The following TMEM214 variants were observed in gnomAD, a reference collection of about 807,000 sequenced individuals.
TMEM214 encodes transmembrane protein 214.
A neutral mutation model predicts 89.8 loss-of-function variants in TMEM214; 71 were observed. The observed-to-expected ratio is 0.79, with a 90% CI of 0.65 to 0.96. TMEM214 has a LOEUF of 0.96. Ranked by LOEUF, TMEM214 falls within the 40% of genes least tolerant of loss-of-function variation. The pLI, the probability that TMEM214 is intolerant of heterozygous loss-of-function variation, is 0.00. For synonymous variants in TMEM214, 332 were observed against 349.5 expected (o/e 0.95, Z 0.56); for missense variants, 754 against 843.4 (o/e 0.89, Z 1.31).
Position 27,040,980 on chromosome 2 carries a change from A to T in TMEM214, c.*143A>T. The T allele has an allele frequency of 1.0e-6, 1 of 995,844 alleles. No homozygotes were observed. Among genetic ancestry groups the T allele is most frequent in the Non-Finnish European group, 1.5e-6 (1 of 683,056 alleles). The allele number at this position is 995,844 out of a possible 1,614,324, so 61.7% of individuals were successfully genotyped here. A position where few individuals can be genotyped will look rare whatever the true frequency, so the allele number is the denominator to read the frequency against. ...GCAAGTGGCCAGTTGCCTCCACCTC[A>T]GTTCTTCCATCTTTGGTGGGGACAG... On this transcript the variant is annotated 3_prime_UTR_variant, in exon 17 of 17. Transcript: ENST00000238788.
chr2:27,039,184 C>A lies in TMEM214; in HGVS notation c.1525+20C>A. On this transcript the variant is annotated intron_variant, in intron 13 of 16. Coordinates refer to ENST00000238788, the MANE Select transcript of TMEM214 (RefSeq NM_017727.5). ...TCCAGGGTAAGCAGCAATGGGCAAG[C>A]GAGGAGGATGGTGTGGGCGGGGCAC... The A allele has an allele frequency of 1.2e-6, 2 of 1,604,862 alleles. No individual in the cohort carries two copies. The highest frequency in any genetic ancestry group is 1.7e-6 in the Non-Finnish European group (2 of 1,173,018).
chr2:27,036,766 A>C lies in TMEM214; in HGVS notation c.888A>C (p.Thr296=). 6.2e-7 allele frequency: 1 copy of C among 1,614,108 alleles called. No homozygotes were observed. Among genetic ancestry groups the C allele is most frequent in the Non-Finnish European group, 8.5e-7 (1 of 1,180,030 alleles). ...GIKSLSPFAI[T]YLDRLLLMHP... Reference sequence around the variant, plus strand: ...AGTCTCTGTCTCCCTTTGCCATCACATACCTGGATCGGCTGCTCCTGTGAG... The same window carrying C: ...AGTCTCTGTCTCCCTTTGCCATCACCTACCTGGATCGGCTGCTCCTGTGAG... Residue 296 remains threonine (T), a synonymous_variant, in exon 7 of 17, where the codon ACA becomes ACC. Coordinates refer to ENST00000238788, the MANE Select transcript of TMEM214 (RefSeq NM_017727.5).
Position 27,039,295 on chromosome 2 carries a change from T to C in TMEM214, c.1525+131T>C, listed in dbSNP as rs557434677. ...TCTCAATCCTGCAGAGTAAACACTT[T>C]ACAGACAGATTTTTTTGTCCACAGA... On this transcript the variant is annotated intron_variant, in intron 13 of 16. Transcript: ENST00000238788. 448 of 742,190 alleles carry C rather than the reference T, an allele frequency of 6.0e-4. 1 individual carries two copies. The highest frequency in any genetic ancestry group is 5.4e-3 in the Middle Eastern group (21 of 3,860). The allele number at this position is 742,190 out of a possible 1,614,324, so 46.0% of individuals were successfully genotyped here.
Position 27,035,278 on chromosome 2 carries a change from T to G in TMEM214, c.495T>G (p.His165Gln). The G allele has an allele frequency of 6.2e-7, 1 of 1,614,236 alleles. No individual in the cohort carries two copies. The highest frequency in any genetic ancestry group is 8.5e-7 in the Non-Finnish European group (1 of 1,180,028). Reference sequence around the variant, plus strand: ...TAAGTGAACCCACGCTGAGCCAGCATACTCATGGTAAGTCCTTCCAGCTTC... The same window carrying G: ...TAAGTGAACCCACGCTGAGCCAGCAGACTCATGGTAAGTCCTTCCAGCTTC... ...APLSEPTLSQ[H>Q]THDYPYSLVS... The change falls in exon 3 of 17, where the codon CAT becomes CAG. Residue 165 changes from histidine (H) to glutamine (Q), a missense_variant. Coordinates refer to ENST00000238788, the MANE Select transcript of TMEM214 (RefSeq NM_017727.5).
Position 27,038,895 on chromosome 2 carries a change from A to G in TMEM214, c.1407+80A>G. 1.4e-6 allele frequency: 2 copies of G among 1,450,148 alleles called. No individual in the cohort carries two copies. Among genetic ancestry groups the G allele is most frequent in the Non-Finnish European group, 1.9e-6 (2 of 1,037,698 alleles). 89.8% of individuals were successfully genotyped at this position (1,450,148 alleles called of 1,614,324 possible). ...CACACCTGGGTTGGGCCTGTATCAC[A>G]TTCCTGCCCCACCTGTCTGGAGCCC... is the stretch of plus-strand genomic sequence containing the variant. On this transcript the variant is annotated intron_variant, in intron 12 of 16. Coordinates refer to ENST00000238788, the MANE Select transcript of TMEM214 (RefSeq NM_017727.5). This position sits in a 1 kb window ranked among gnomAD's most constrained non-coding sequence, Gnocchi z 4.4.
At chr2:27,035,315 A>G (rs1002062292) in intron 3 of TMEM214, 30 bp downstream of exon 3, 2 of 1,613,696 alleles carry the variant, frequency 1.2e-6, no homozygotes, top group Admixed American at 1.7e-5. Context: ...TCAAGCTCAG[A>G]CAAGTTCAAA....
chr2:27,034,746 GCT>G, intron 2 of TMEM214: 1 of 215,734 alleles, frequency 4.6e-6, no homozygotes, highest in South Asian at 7.5e-5. Context: ...ACCACGCCTG[GCT>G]AATTTTTGTA....
chr2:27,036,905 C>T (rs775819119), intron 7 of TMEM214, 119 bp downstream of exon 7: 13 of 1,175,516 alleles, frequency 1.1e-5, no homozygotes, highest in Admixed American at 1.7e-5. Context: ...ACCAGCTTCT[C>T]CCACCACCTT....
intron 1 of TMEM214, among the ~76,000 whole-genome samples, 197 bp from the exon 2 acceptor site, chr2:27,033,870 G>A (rs1667437804): frequency 6.6e-6 from 1 of 152,060 alleles, no homozygotes. Flanking sequence ...AGAGCCCATA[G>A]ACTCAAGAGC....
intron 4 of TMEM214, 60 bp downstream of exon 4, chr2:27,035,788 C>G: frequency 6.2e-7 from 1 of 1,609,614 alleles, no homozygotes; most frequent in Non-Finnish European, 8.5e-7. Context: ...TTCCTGCTTC[C>G]AGTACCACTC....
At chr2:27,036,443 T>C in intron 5 of TMEM214, 44 bp from the exon 6 acceptor site, 1 of 1,494,340 alleles carries the variant, frequency 6.7e-7, no homozygotes, top group Admixed American at 1.7e-5. Context: ...GTGCTCCTGG[T>C]GTTTTGTCCT....
intron 4 of TMEM214, 104 bp downstream of exon 4, chr2:27,035,832 C>T: frequency 6.3e-7 from 1 of 1,590,138 alleles, no homozygotes; most frequent in Admixed American, 1.7e-5. Flanking sequence ...AATGTGCTAA[C>T]CTTAACACTT....
At chr2:27,039,381 A>G in intron 13 of TMEM214, 2 of 594,160 alleles carry the variant, frequency 3.4e-6, no homozygotes. Flanking sequence ...TTGCATATTC[A>G]TAGTATCATT....
At position 27,033,149 on chromosome 2, in the gene TMEM214, G is replaced by A; in HGVS notation, c.134G>A (p.Trp45Ter). The stretch of plus-strand genomic sequence containing the variant: ...GCGCTCGGGGAAGCAAACGGAGTGT[G>A]GAAATACGACCTGACCCGTGAGTAC... ...RRALGEANGV[W>*]KYDLTPAIQT... The change falls in exon 1 of 17, where the codon TGG becomes TAG. Residue 45 changes from tryptophan (W) to a stop codon, truncating the protein, a stop_gained. Coordinates refer to ENST00000238788, the MANE Select transcript of TMEM214 (RefSeq NM_017727.5). LOFTEE classifies it high-confidence loss of function. The A allele has an allele frequency of 3.2e-6, 4 of 1,248,432 alleles. No individual in the cohort carries two copies. Among genetic ancestry groups the A allele is most frequent in the Non-Finnish European group, 4.0e-6 (4 of 987,714 alleles). 77.3% of individuals were successfully genotyped at this position (1,248,432 alleles called of 1,614,324 possible).
chr2:27,040,755 C>T lies in TMEM214; in HGVS notation c.1988C>T (p.Ala663Val), dbSNP rs1046596801. The part of the protein sequence containing the change: ...WDCMKTQLSE[A>V]VHWTWLCLQD... Reference sequence around the variant, plus strand: ...TGCATGAAGACACAGCTCAGTGAGGCTGTCCACTGGACCTGGCTTTGCCTA... The same window carrying T: ...TGCATGAAGACACAGCTCAGTGAGGTTGTCCACTGGACCTGGCTTTGCCTA... The change falls in exon 17 of 17, where the codon GCT becomes GTT. Residue 663 changes from alanine (A) to valine (V), a missense_variant. Coordinates refer to ENST00000238788, the MANE Select transcript of TMEM214 (RefSeq NM_017727.5). 2 of 1,614,082 alleles carry T rather than the reference C, an allele frequency of 1.2e-6. No individual in the cohort carries two copies. The highest frequency in any genetic ancestry group is 1.7e-6 in the Non-Finnish European group (2 of 1,180,042).
chr2:27,039,712 C>G, intron 13 of TMEM214, 29 bp from the exon 14 acceptor site: 1 of 1,601,020 alleles, frequency 6.2e-7, no homozygotes, highest in Non-Finnish European at 8.6e-7. Context: ...CTCTCACCTC[C>G]CAGCTCACCA....
chr2:27,038,764 G>C lies in TMEM214; in HGVS notation c.1356G>C (p.Arg452Ser). 1 of 1,614,200 alleles carries C rather than the reference G, an allele frequency of 6.2e-7. No homozygotes were observed. Among genetic ancestry groups the C allele is most frequent in the East Asian group, 2.2e-5 (1 of 44,892 alleles). ...SLKLTNQELL[R>S]KGSSNNQDVV... The stretch of plus-strand genomic sequence containing the variant: ...AGCTTACCAACCAGGAGCTGCTGAG[G>C]AAGGGTAGCAGTAACAACCAGGATG... The change falls in exon 12 of 17, where the codon AGG (arginine) becomes AGC (serine). Residue 452 changes from arginine (R) to serine (S), a missense_variant. By Grantham distance (110) the Arg-to-Ser change is moderately radical (BLOSUM62 -1). Coordinates refer to ENST00000238788, the MANE Select transcript of TMEM214 (RefSeq NM_017727.5). This position sits in a 1 kb window ranked among gnomAD's most constrained non-coding sequence, Gnocchi z 4.4.
chr2:27,038,313 A>G lies in TMEM214; in HGVS notation c.1244+76A>G. On this transcript the variant is annotated intron_variant, in intron 10 of 16. Coordinates refer to ENST00000238788, the MANE Select transcript of TMEM214 (RefSeq NM_017727.5). This position sits in a 1 kb window ranked among gnomAD's most constrained non-coding sequence, Gnocchi z 4.4. ...GCCTGGGTCACTGTCCCATGGCCTG[A>G]CACCTTTCAGGCTGAGTGGGAACAT... is the stretch of plus-strand genomic sequence containing the variant. 1 of 1,572,148 alleles carries G rather than the reference A, an allele frequency of 6.4e-7. No individual in the cohort carries two copies. The highest frequency in any genetic ancestry group is 1.1e-5 in the South Asian group (1 of 89,930).
Position 27,040,378 on chromosome 2 carries a change from C to T in TMEM214, c.1825C>T (p.Leu609=), listed in dbSNP as rs1161842449. 1.2e-6 allele frequency: 2 copies of T among 1,614,128 alleles called. No individual in the cohort carries two copies. The highest frequency in any genetic ancestry group is 1.7e-6 in the Non-Finnish European group (2 of 1,180,054). ...QIQLPDSVNQ[L]LRYLRELPLL... ...CCAGCTCCCCGATTCCGTGAATCAG[C>T]TACTCCGCTATCTGAGAGAGCTGCC... Residue 609 remains leucine, a synonymous_variant, in exon 16 of 17, where the codon CTA becomes TTA. Coordinates refer to ENST00000238788, the MANE Select transcript of TMEM214 (RefSeq NM_017727.5).
Sources: allele counts gnomAD v4.1 joint callset (sites outside exome capture counted in the v4.1 genomes callset), GRCh38; gene constraint gnomAD v4.1.1; non-coding constraint Gnocchi (gnomAD v3.1); transcripts MANE v1.5; gene names NCBI Gene and HGNC (gene_info 2026-07-23, HGNC 2026-07-21).